Variants in TIAM1 observed in about 807,000 individuals in gnomAD.
TIAM1 encodes the protein rho guanine nucleotide exchange factor TIAM1.
A neutral mutation model predicts 163.5 loss-of-function variants in TIAM1; 65 were observed. That is an observed-to-expected ratio of 0.40 (90% CI 0.33 to 0.49). The LOEUF is 0.49. Ranked by LOEUF, TIAM1 falls within the 20% of genes least tolerant of loss-of-function variation. The probability of loss-of-function intolerance (pLI) is 0.77; values close to 1 mark genes in which losing one functional copy is unlikely to be tolerated. For synonymous variants in TIAM1, 833 were observed against 810.1 expected (o/e 1.03, Z -0.48); for missense variants, 1,789 against 2,044.7 (o/e 0.87, Z 2.41).
intron 15 of TIAM1, among the ~76,000 whole-genome samples, chr21:31,171,245 T>C (rs1228568738): frequency 6.6e-6 from 1 of 152,134 alleles, no homozygotes; most frequent in Non-Finnish European, 1.5e-5. Flanking sequence ...TAAATCAGTA[T>C]ATGAATAGCC....
chr21:31,232,013 CAA>C (rs201903436), intron 6 of TIAM1, among the ~76,000 whole-genome samples: 3 of 139,140 alleles, frequency 2.2e-5, no homozygotes, highest in Non-Finnish European at 4.7e-5. Flanking sequence ...CTCCATCTCA[CAA>C]AAAAAAAAAG....
intron 14 of TIAM1, among the ~76,000 whole-genome samples, chr21:31,183,799 A>T (rs1023377853): frequency 7.0e-6 from 1 of 143,008 alleles, no homozygotes; most frequent in African/African-American, 2.7e-5. Flanking sequence ...GGTTCAAGCG[A>T]TTCTCCTGCC....
At chr21:31,299,039 C>T (rs946486971) in intron 2 of TIAM1, among the ~76,000 whole-genome samples, 36 of 152,136 alleles carry the variant, frequency 2.4e-4, no homozygotes, top group African/African-American at 8.4e-4. Context: ...TAATATACCT[C>T]ATTAGCAGTT....
rs776930759 is a variant in TIAM1 at position 31,266,945 on chromosome 21, C to G, written c.28G>C (p.Glu10Gln). The change falls in exon 4 of 28, where the codon GAG (glutamate) becomes CAG (glutamine). Residue 10 changes from glutamate (E) to glutamine (Q), a missense_variant. Glu to Gln is a conservative substitution (Grantham distance 29). Transcript: ENST00000541036. ...TGCTTTTCTCCATAAAACTCGTGCTCTACATGTTGACTTTCTGCGTTTCCC... is the reference window on the plus strand; with the variant it reads ...TGCTTTTCTCCATAAAACTCGTGCTGTACATGTTGACTTTCTGCGTTTCCC... MGNAESQHV[E>Q]HEFYGEKHAS... The G allele has an allele frequency of 1.2e-5, 19 of 1,608,346 alleles. No individual in the cohort carries two copies. The highest frequency in any genetic ancestry group is 1.5e-5 in the Non-Finnish European group (18 of 1,175,854).
intron 1 of TIAM1, among the ~76,000 whole-genome samples, chr21:31,513,488 C>T (rs529565869): frequency 6.6e-6 from 1 of 152,296 alleles, no homozygotes; most frequent in African/African-American, 2.4e-5. Flanking sequence ...AACAAACAGC[C>T]CTGCCATTCA....
chr21:31,522,235 G>A (rs1006942928), intron 1 of TIAM1, among the ~76,000 whole-genome samples: 9 of 150,988 alleles, frequency 6.0e-5, no homozygotes, highest in African/African-American at 9.7e-5. Flanking sequence ...TGCTGGGCCC[G>A]GTGGCTCATG....
At chr21:31,546,533 G>C (rs1038074765) in intron 1 of TIAM1, among the ~76,000 whole-genome samples, 2 of 129,834 alleles carry the variant, frequency 1.5e-5, no homozygotes, top group Non-Finnish European at 3.3e-5. Context: ...CTGGGTGACA[G>C]AGCAAGACTC....
intron 2 of TIAM1, among the ~76,000 whole-genome samples, chr21:31,278,556 G>C (rs16988066): frequency 0.051 from 7,835 of 152,308 alleles, 469 homozygotes; most frequent in African/African-American, 0.15. Flanking sequence ...CAAACACTTT[G>C]AGCAGGAATA....
chr21:31,442,232 G>GC (rs1158887582), intron 2 of TIAM1, among the ~76,000 whole-genome samples: 1 of 125,002 alleles, frequency 8.0e-6, no homozygotes, highest in East Asian at 2.3e-4. Flanking sequence ...GGAGTAGGGA[G>GC]TTTTTTTTTT....
intron 2 of TIAM1, among the ~76,000 whole-genome samples, chr21:31,332,759 G>A (rs1347597120): frequency 1.3e-5 from 2 of 149,848 alleles, no homozygotes. Flanking sequence ...TTCACACTAT[G>A]TATGTGATCA....
rs78959368 is a variant in TIAM1, at chr21:31,190,909, G to A, written c.2576-3822C>T. Among the ~76,000 whole-genome samples, 1,293 of 152,246 alleles carry A rather than the reference G, an allele frequency of 8.5e-3. 24 individuals are homozygous for A. The highest frequency in any genetic ancestry group is 0.029 in the African/African-American group (1,223 of 41,554). ...TGTGAGGTGTTTCTGTGTTTGTGCC[G>A]GCAGCTTTTACTTGTACTGAACTCA... On this transcript the variant is annotated intron_variant, in intron 13 of 27. Transcript: ENST00000541036.
At chr21:31,505,162 C>T (rs1309473335) in intron 1 of TIAM1, among the ~76,000 whole-genome samples, 3 of 152,106 alleles carry the variant, frequency 2.0e-5, no homozygotes, top group African/African-American at 4.8e-5. Context: ...ACTGATTGGC[C>T]GGGCGACCAC....
intron 1 of TIAM1, among the ~76,000 whole-genome samples, chr21:31,539,323 T>C (rs976120919): frequency 6.7e-6 from 1 of 150,306 alleles, no homozygotes; most frequent in Non-Finnish European, 1.5e-5. Flanking sequence ...TGGAGTGCAG[T>C]GGCACGATCT....
chr21:31,522,463 T>G (rs1342570475), intron 1 of TIAM1, among the ~76,000 whole-genome samples: 1 of 150,624 alleles, frequency 6.6e-6, no homozygotes. Flanking sequence ...TGAGCCGAGA[T>G]CGCACCATTG....
At chr21:31,467,312 G>A (rs2045567905) in intron 1 of TIAM1, among the ~76,000 whole-genome samples, 1 of 151,710 alleles carries the variant, frequency 6.6e-6, no homozygotes, top group Non-Finnish European at 1.5e-5. Context: ...AGCCTGAGTG[G>A]CAGAGTGAGA....
chr21:31,120,956 G>T lies in TIAM1; in HGVS notation c.4307-119C>A. 1.1e-6 allele frequency: 1 copy of T among 922,570 alleles called. No individual in the cohort carries two copies. Among genetic ancestry groups the T allele is most frequent in the South Asian group, 1.8e-5 (1 of 56,506 alleles). The allele number at this position is 922,570 out of a possible 1,614,324, so 57.1% of individuals were successfully genotyped here. ...CAAAACGGTATGCATTGAATGCCTT[G>T]ATGTCTTTTGGGGCTTAAAGTCTAC... On this transcript the variant is annotated intron_variant, in intron 27 of 27. Coordinates refer to ENST00000541036, the MANE Select transcript of TIAM1 (RefSeq NM_001353694.2). This position sits in a 1 kb window ranked among gnomAD's most constrained non-coding sequence, Gnocchi z 4.2.
chr21:31,438,649 C>A (rs929074327), intron 2 of TIAM1, among the ~76,000 whole-genome samples: 1 of 152,184 alleles, frequency 6.6e-6, no homozygotes, highest in East Asian at 1.9e-4. Context: ...GCTCTCTCCC[C>A]CAAGTCCTCT....
intron 2 of TIAM1, among the ~76,000 whole-genome samples, chr21:31,362,640 T>C (rs2076427900): frequency 6.6e-6 from 1 of 151,806 alleles, no homozygotes; most frequent in Non-Finnish European, 1.5e-5. Flanking sequence ...CTAATTTTTG[T>C]ATTTTTAGTA....
intron 2 of TIAM1, among the ~76,000 whole-genome samples, chr21:31,450,150 G>C (rs1432295031): frequency 6.6e-6 from 1 of 152,122 alleles, no homozygotes; most frequent in African/African-American, 2.4e-5. Flanking sequence ...TCGGACAAAG[G>C]CAGGATGCAA....
Sources: allele counts gnomAD v4.1 joint callset (sites outside exome capture counted in the v4.1 genomes callset), GRCh38; gene constraint gnomAD v4.1.1; non-coding constraint Gnocchi (gnomAD v3.1); transcripts MANE v1.5; gene names NCBI Gene and HGNC (gene_info 2026-07-23, HGNC 2026-07-21).